The following TTC23 variants were observed in gnomAD, a reference collection of about 807,000 sequenced individuals.
TTC23 encodes tetratricopeptide repeat domain 23.
TTC23 carries 58 observed loss-of-function variants against 55.1 expected under a neutral mutation model. The ratio of observed to expected loss-of-function variants is 1.05; its 90% CI spans 0.85 to 1.31. The LOEUF (loss-of-function observed/expected upper bound fraction) is 1.31, where lower values mean the gene tolerates loss of function less well. Among genes scored for constraint, TTC23 ranks in the 50% most tolerant of loss-of-function variants. TTC23 has a pLI of 0.00. For synonymous variants in TTC23, 203 were observed against 199.9 expected (o/e 1.02, Z -0.13); for missense variants, 516 against 534.4 (o/e 0.97, Z 0.34).
rs989321889 is a variant in TTC23, at chr15:99,138,691, A to G, written c.1227-564T>C. Among the ~76,000 whole-genome samples the G allele has an allele frequency of 1.3e-4, 20 of 152,332 alleles. No homozygotes were observed. The East Asian group carries it at 2.3e-3, about 18-fold the overall frequency. ...ACCCTTAGCTGGCTTGGTGAGCAGGACATGGGTGAGGAGGATGGTCAGGGT... is the reference window on the plus strand; with the variant it reads ...ACCCTTAGCTGGCTTGGTGAGCAGGGCATGGGTGAGGAGGATGGTCAGGGT... On this transcript the variant is annotated intron_variant, in intron 13 of 13. Transcript: ENST00000394132.
At chr15:99,202,273 T>C (rs180934045) in intron 8 of TTC23, among the ~76,000 whole-genome samples, 101 of 152,304 alleles carry the variant, frequency 6.6e-4, no homozygotes, top group Middle Eastern at 3.4e-3. Flanking sequence ...CCAGGGATAT[T>C]TGAGAGAAGG....
At chr15:99,156,678 T>C (rs2070628633) in intron 11 of TTC23, among the ~76,000 whole-genome samples, 1 of 152,174 alleles carries the variant, frequency 6.6e-6, no homozygotes, top group Admixed American at 6.5e-5. Context: ...ACCGCACCCA[T>C]GGTTCAATCA....
In TTC23 at chr15:99,181,708, A is replaced by G. The variant is rs114222759; in HGVS notation, c.760-6553T>C. Among the ~76,000 whole-genome samples, 549 of 152,276 alleles carry G rather than the reference A, an allele frequency of 3.6e-3. 6 individuals are homozygous for G. The highest frequency in any genetic ancestry group is 0.012 in the African/African-American group (495 of 41,548). ...CTCTCCCATCTCTGCCCAGCAGGGAAGGCTTTCATGGCCACACACCCCTTG... is the reference window on the plus strand; with the variant it reads ...CTCTCCCATCTCTGCCCAGCAGGGAGGGCTTTCATGGCCACACACCCCTTG... On this transcript the variant is annotated intron_variant, in intron 9 of 13. Transcript: ENST00000394132.
chr15:99,193,404 C>T (rs1018941105), intron 9 of TTC23, among the ~76,000 whole-genome samples: 1 of 152,118 alleles, frequency 6.6e-6, no homozygotes, highest in Non-Finnish European at 1.5e-5. Flanking sequence ...CTTTCCCATG[C>T]TGTTCTTGTG....
At chr15:99,168,300 C>G (rs1476380815) in intron 10 of TTC23, among the ~76,000 whole-genome samples, 1 of 152,174 alleles carries the variant, frequency 6.6e-6, no homozygotes, top group Non-Finnish European at 1.5e-5. Context: ...TATAAATATG[C>G]AGAGTGCCCA....
upstream of TTC23, chr15:99,249,632 T>A (rs2080555159): frequency 6.6e-6 from 1 of 151,924 alleles, no homozygotes; most frequent in Non-Finnish European, 1.5e-5. Flanking sequence ...CAATAGCGAG[T>A]GGAGAAGAGT....
intron 8 of TTC23, among the ~76,000 whole-genome samples, chr15:99,213,546 G>T (rs1008571210): frequency 6.6e-6 from 1 of 152,192 alleles, no homozygotes. Flanking sequence ...GCTCTGAATT[G>T]TGTATTTCCT....
At chr15:99,214,566 T>G (rs62025695) in intron 8 of TTC23, among the ~76,000 whole-genome samples, 3 of 148,268 alleles carry the variant, frequency 2.0e-5, no homozygotes, top group Admixed American at 2.0e-4. Context: ...GCTAGGACTA[T>G]AGGTGAGCAC....
At chr15:99,174,765 T>TA (rs35205370) in intron 10 of TTC23, among the ~76,000 whole-genome samples, 44,217 of 152,078 alleles carry the variant, frequency 0.29, 6,561 homozygotes, top group East Asian at 0.36. Context: ...AGATTTACCG[T>TA]AAGCCCAGTA....
upstream of TTC23, among the ~76,000 whole-genome samples, chr15:99,250,469 C>A (rs577810877): frequency 8.5e-5 from 13 of 152,174 alleles, no homozygotes; most frequent in Non-Finnish European, 1.8e-4. Flanking sequence ...CTCGCAAACT[C>A]ATAGACAGGC....
chr15:99,220,468 G>C (rs2077829342), intron 6 of TTC23, among the ~76,000 whole-genome samples: 1 of 152,176 alleles, frequency 6.6e-6, no homozygotes, highest in Non-Finnish European at 1.5e-5. Flanking sequence ...TCTCAGATCA[G>C]CTACTTATTA....
At chr15:99,189,743 T>G (rs1191821611) in intron 9 of TTC23, among the ~76,000 whole-genome samples, 1 of 152,172 alleles carries the variant, frequency 6.6e-6, no homozygotes, top group Non-Finnish European at 1.5e-5. Flanking sequence ...TGAGAAACTA[T>G]TCTAGATTAA....
chr15:99,137,953 A>G lies in TTC23; in HGVS notation c.*57T>C. 1.2e-6 allele frequency: 2 copies of G among 1,608,572 alleles called. No homozygotes were observed. Among genetic ancestry groups the G allele is most frequent in the Non-Finnish European group, 1.7e-6 (2 of 1,176,210 alleles). On this transcript the variant is annotated 3_prime_UTR_variant, in exon 14 of 14. Coordinates refer to ENST00000394132, the MANE Select transcript of TTC23 (RefSeq NM_001288615.3). ...CATTTTCTAGGCGGAGGTGATTTGT[A>G]CAGCACCCTAAATGACAGTGCCCAG...
chr15:99,151,476 G>A (rs1306771260), intron 12 of TTC23: 1 of 152,352 alleles, frequency 6.6e-6, no homozygotes, highest in Non-Finnish European at 1.5e-5. Flanking sequence ...ATTGCCATGA[G>A]AGATGAGGAA....
At chr15:99,173,610 A>C (rs72756863) in intron 10 of TTC23, among the ~76,000 whole-genome samples, 4,511 of 152,216 alleles carry the variant, frequency 0.03, 93 homozygotes, top group Non-Finnish European at 0.046. Flanking sequence ...ATAATTAAAA[A>C]AAAATTGAAG....
chr15:99,208,267 C>CAT (rs1009168110), intron 8 of TTC23, among the ~76,000 whole-genome samples: 6 of 151,870 alleles, frequency 4.0e-5, no homozygotes, highest in African/African-American at 9.7e-5. Context: ...TATATACACA[C>CAT]ATATATATAT....
At chr15:99,192,342 C>T (rs1455608810) in intron 9 of TTC23, among the ~76,000 whole-genome samples, 1 of 152,140 alleles carries the variant, frequency 6.6e-6, no homozygotes, top group African/African-American at 2.4e-5. Flanking sequence ...CCATCACAGG[C>T]CTGGAGGCTT....
chr15:99,226,219 A>G (rs974609035), intron 5 of TTC23, among the ~76,000 whole-genome samples: 2 of 152,244 alleles, frequency 1.3e-5, no homozygotes, highest in African/African-American at 4.8e-5. Context: ...AAGAAGAAAT[A>G]TAAACAAGGT....
intron 8 of TTC23, among the ~76,000 whole-genome samples, chr15:99,211,664 G>C (rs2077050030): frequency 6.6e-6 from 1 of 152,058 alleles, no homozygotes; most frequent in African/African-American, 2.4e-5. Flanking sequence ...TTGCTTCTGA[G>C]GGTCTCCCAT....
Sources: allele counts gnomAD v4.1 joint callset (sites outside exome capture counted in the v4.1 genomes callset), GRCh38; gene constraint gnomAD v4.1.1; transcripts MANE v1.5; gene names NCBI Gene and HGNC (gene_info 2026-07-23, HGNC 2026-07-21).